KCTD8: variants seen among roughly 807,000 people sequenced by gnomAD.
The protein encoded by KCTD8 is BTB/POZ domain-containing protein KCTD8.
Under a neutral mutation model 31.5 loss-of-function variants are expected in KCTD8, and 27 were observed. That is an observed-to-expected ratio of 0.86 (90% CI 0.63 to 1.18). KCTD8 has a LOEUF of 1.18. Among genes scored for constraint, KCTD8 ranks in the 50% most tolerant of loss-of-function variants. KCTD8 has a pLI of 0.00. For missense variants in KCTD8, 658 were observed against 647.7 expected (o/e 1.02, Z -0.17); for synonymous variants, 290 against 280.0 (o/e 1.04, Z -0.36).
intron 1 of KCTD8, among the ~76,000 whole-genome samples, chr4:44,445,757 A>G (rs1721922152): frequency 6.6e-6 from 1 of 152,210 alleles, no homozygotes; most frequent in South Asian, 2.1e-4. Context: ...CACTAACTAC[A>G]AGAAAGGCAA....
intron 1 of KCTD8, among the ~76,000 whole-genome samples, chr4:44,216,275 A>C (rs1232816727): frequency 1.3e-5 from 2 of 152,146 alleles, no homozygotes; most frequent in African/African-American, 4.8e-5. Flanking sequence ...TTGGTTTTCC[A>C]CCTTTTACCA....
chr4:44,444,760 T>C (rs1173754684), intron 1 of KCTD8, among the ~76,000 whole-genome samples: 1 of 147,240 alleles, frequency 6.8e-6, no homozygotes, highest in East Asian at 2.1e-4. Context: ...TTTCTTCCCC[T>C]CTACTGCAGA....
intron 1 of KCTD8, among the ~76,000 whole-genome samples, chr4:44,205,377 A>T (rs981588093): frequency 2.0e-5 from 3 of 152,224 alleles, no homozygotes; most frequent in Admixed American, 2.0e-4. Context: ...TCAAAAAAGA[A>T]TGCACTATTC....
chr4:44,319,727 G>A (rs1718239176), intron 1 of KCTD8, among the ~76,000 whole-genome samples: 1 of 152,056 alleles, frequency 6.6e-6, no homozygotes, highest in African/African-American at 2.4e-5. Flanking sequence ...AAAGAATTTG[G>A]AAGGCCAAAA....
chr4:44,425,778 A>AT (rs2109473637), intron 1 of KCTD8, among the ~76,000 whole-genome samples: 2 of 152,108 alleles, frequency 1.3e-5, no homozygotes, highest in South Asian at 4.1e-4. Context: ...ATCCATCATT[A>AT]TAAGAAGTCT....
At chr4:44,189,624 C>A (rs1308192630) in intron 1 of KCTD8, among the ~76,000 whole-genome samples, 1 of 152,012 alleles carries the variant, frequency 6.6e-6, no homozygotes, top group Non-Finnish European at 1.5e-5. Context: ...AACATAGCCA[C>A]CCATCTACCC....
At chr4:44,282,291 A>G (rs867312485) in intron 1 of KCTD8, among the ~76,000 whole-genome samples, 1 of 152,096 alleles carries the variant, frequency 6.6e-6, no homozygotes, top group Non-Finnish European at 1.5e-5. Flanking sequence ...TATACCTGTT[A>G]TAATGATCTT....
intron 1 of KCTD8, among the ~76,000 whole-genome samples, chr4:44,293,171 T>A (rs2109386613): frequency 6.6e-6 from 1 of 152,242 alleles, no homozygotes; most frequent in Middle Eastern, 3.4e-3. Flanking sequence ...AACACCTCAA[T>A]TTTTTTCAAT....
chr4:44,191,446 G>A (rs1351745139), intron 1 of KCTD8, among the ~76,000 whole-genome samples: 2 of 152,144 alleles, frequency 1.3e-5, no homozygotes, highest in Non-Finnish European at 2.9e-5. Context: ...CGGGCAAAAA[G>A]AGCCATATTT....
chr4:44,411,221 A>T (rs1720945573), intron 1 of KCTD8, among the ~76,000 whole-genome samples: 1 of 151,988 alleles, frequency 6.6e-6, no homozygotes. Flanking sequence ...CATCTCTACA[A>T]AAAGTAGTTA....
intron 1 of KCTD8, among the ~76,000 whole-genome samples, chr4:44,359,205 G>A (rs1719434803): frequency 6.6e-6 from 1 of 151,592 alleles, no homozygotes; most frequent in South Asian, 2.1e-4. Flanking sequence ...TGTTGCCATT[G>A]CTTTTGGTGT....
chr4:44,287,355 T>C (rs1560415970), intron 1 of KCTD8, among the ~76,000 whole-genome samples: 1 of 152,200 alleles, frequency 6.6e-6, no homozygotes. Context: ...TTTAAGCATA[T>C]CTTGATCATG....
intron 1 of KCTD8, among the ~76,000 whole-genome samples, chr4:44,302,542 T>C (rs1717659767): frequency 6.6e-6 from 1 of 152,102 alleles, no homozygotes; most frequent in South Asian, 2.1e-4. Flanking sequence ...TGTATAAGAA[T>C]GCTTGTGATT....
intron 1 of KCTD8, among the ~76,000 whole-genome samples, chr4:44,349,560 T>G (rs551687052): frequency 5.3e-5 from 8 of 152,298 alleles, no homozygotes; most frequent in African/African-American, 1.9e-4. Flanking sequence ...CATTAAGGAC[T>G]AGAAGCTGTC....
chr4:44,311,296 T>C (rs1314692782), intron 1 of KCTD8, among the ~76,000 whole-genome samples: 1 of 152,144 alleles, frequency 6.6e-6, no homozygotes, highest in African/African-American at 2.4e-5. Flanking sequence ...TTAATTTTTC[T>C]ATCTTCCACG....
At chr4:44,350,062 T>C (rs541077196) in intron 1 of KCTD8, among the ~76,000 whole-genome samples, 1 of 152,276 alleles carries the variant, frequency 6.6e-6, no homozygotes, top group South Asian at 2.1e-4. Flanking sequence ...CTGGTATAGA[T>C]TTTGCAAATG....
chr4:44,198,682 C>A (rs1048788043), intron 1 of KCTD8, among the ~76,000 whole-genome samples: 2 of 152,060 alleles, frequency 1.3e-5, no homozygotes, highest in Non-Finnish European at 2.9e-5. Context: ...AACAAAAGAT[C>A]AATACTTGCT....
At chr4:44,368,979 T>G (rs1219720857) in intron 1 of KCTD8, among the ~76,000 whole-genome samples, 1 of 152,234 alleles carries the variant, frequency 6.6e-6, no homozygotes, top group Non-Finnish European at 1.5e-5. Flanking sequence ...CAGTTGTTTC[T>G]GTCCTTTTTT....
chr4:44,383,851 T>C (rs1473569457), intron 1 of KCTD8, among the ~76,000 whole-genome samples: 4 of 152,074 alleles, frequency 2.6e-5, no homozygotes, highest in East Asian at 1.9e-4. Flanking sequence ...AACCTCTGCA[T>C]AGCAAAGGAA....
Sources: gnomAD v4.1 joint callset for allele counts (sites outside exome capture counted in the v4.1 genomes callset) on GRCh38, gnomAD v4.1.1 for gene constraint, MANE v1.5 for transcripts, NCBI Gene and HGNC (gene_info 2026-07-23, HGNC 2026-07-21) for gene names.